Variants in FRMD4B observed in about 807,000 individuals in gnomAD.
The protein encoded by FRMD4B is FERM domain-containing protein 4B.
In FRMD4B, 74 loss-of-function variants were observed where a neutral mutation model predicts 141.5. The ratio of observed to expected loss-of-function variants is 0.52; its 90% CI spans 0.43 to 0.63. The LOEUF is 0.63. FRMD4B is among the 30% of genes least tolerant of loss of function. FRMD4B has a pLI of 0.00. For synonymous variants in FRMD4B, 506 were observed against 467.9 expected (o/e 1.08, Z -1.05); for missense variants, 1,366 against 1,253.4 (o/e 1.09, Z -1.36).
intron 1 of FRMD4B, among the ~76,000 whole-genome samples, chr3:69,351,196 G>C (rs912212432): frequency 6.6e-6 from 1 of 152,078 alleles, no homozygotes; most frequent in African/African-American, 2.4e-5. Flanking sequence ...ATATATTAAT[G>C]TATAGTTTAC....
chr3:69,375,729 A>T (rs4855310), intron 1 of FRMD4B, among the ~76,000 whole-genome samples: 47,863 of 152,080 alleles, frequency 0.31, 7,871 homozygotes, highest in African/African-American at 0.42. Context: ...ATGCTATTCA[A>T]ATTCCAACAC....
intron 11 of FRMD4B, among the ~76,000 whole-genome samples, chr3:69,210,079 A>T (rs1355743589): frequency 6.6e-6 from 1 of 150,602 alleles, no homozygotes; most frequent in Non-Finnish European, 1.5e-5. Flanking sequence ...ATATATATAG[A>T]GACAGAAACA....
At chr3:69,483,804 G>A (rs968055019) in intron 1 of FRMD4B, among the ~76,000 whole-genome samples, 3 of 152,246 alleles carry the variant, frequency 2.0e-5, no homozygotes, top group African/African-American at 7.2e-5. Context: ...TTTCCATTAC[G>A]ATGACCTTAT....
At chr3:69,216,844 C>A (rs1451515257) in intron 10 of FRMD4B, among the ~76,000 whole-genome samples, 3 of 152,136 alleles carry the variant, frequency 2.0e-5, no homozygotes, top group African/African-American at 7.2e-5. Context: ...CAAATAAAAT[C>A]TTTAAGTTGA....
At chr3:69,186,776 T>C (rs1303153047) in intron 19 of FRMD4B, among the ~76,000 whole-genome samples, 2 of 152,200 alleles carry the variant, frequency 1.3e-5, no homozygotes, top group Non-Finnish European at 2.9e-5. Context: ...TGAGCTCAAG[T>C]GATCCTCCCA....
chr3:69,540,222 T>A (rs531646903), intron 1 of FRMD4B, among the ~76,000 whole-genome samples: 8 of 151,892 alleles, frequency 5.3e-5, no homozygotes, highest in East Asian at 2.0e-4. Flanking sequence ...CACCAATACA[T>A]CCACCACCTG....
At chr3:69,198,999 G>A (rs547836391) in intron 11 of FRMD4B, 125 of 469,480 alleles carry the variant, frequency 2.7e-4, no homozygotes, top group Non-Finnish European at 4.2e-4. Context: ...GGCCGGGCGC[G>A]GTGGCTCACG....
chr3:69,243,242 C>T (rs56148425), intron 7 of FRMD4B, among the ~76,000 whole-genome samples: 4,078 of 152,188 alleles, frequency 0.027, 92 homozygotes, highest in South Asian at 0.048. Flanking sequence ...GGGTTTCCTA[C>T]TGGTTATGAT....
chr3:69,455,569 C>T (rs917647454), intron 1 of FRMD4B, among the ~76,000 whole-genome samples: 14 of 152,090 alleles, frequency 9.2e-5, no homozygotes, highest in South Asian at 6.2e-4. Context: ...ACACGTCCGA[C>T]GGAACATCAG....
At chr3:69,524,511 G>C (rs72937450) in intron 1 of FRMD4B, among the ~76,000 whole-genome samples, 6,122 of 152,266 alleles carry the variant, frequency 0.04, 347 homozygotes, top group East Asian at 0.12. Flanking sequence ...AGGGAGAGTG[G>C]TTTAGATTAG....
At chr3:69,483,982 C>G (rs544391620) in intron 1 of FRMD4B, among the ~76,000 whole-genome samples, 5 of 152,234 alleles carry the variant, frequency 3.3e-5, no homozygotes, top group African/African-American at 1.2e-4. Context: ...GCTTGCTTTC[C>G]CCTTTAAACA....
intron 2 of FRMD4B, among the ~76,000 whole-genome samples, chr3:69,407,146 G>C (rs915845965): frequency 6.6e-6 from 1 of 152,046 alleles, no homozygotes; most frequent in Non-Finnish European, 1.5e-5. Context: ...AGGGTGGCGT[G>C]GTTTAAGGAA....
intron 5 of FRMD4B, 165 bp downstream of exon 5, chr3:69,287,587 C>G: frequency 1.8e-6 from 1 of 571,402 alleles, no homozygotes; most frequent in Non-Finnish European, 3.1e-6. Context: ...AGAAAAGATA[C>G]CATTTGTGTA....
chr3:69,352,244 A>T (rs1466840590), intron 1 of FRMD4B, among the ~76,000 whole-genome samples: 4 of 152,134 alleles, frequency 2.6e-5, no homozygotes, highest in African/African-American at 7.2e-5. Flanking sequence ...AGGTCACCAT[A>T]ATGTCACTCT....
At chr3:69,474,741 T>C (rs1345596590) in intron 1 of FRMD4B, among the ~76,000 whole-genome samples, 1 of 152,196 alleles carries the variant, frequency 6.6e-6, no homozygotes, top group Non-Finnish European at 1.5e-5. Context: ...CATTTAGGTA[T>C]ACTAAGCACA....
intron 1 of FRMD4B, among the ~76,000 whole-genome samples, chr3:69,442,746 C>G (rs183164367): frequency 4.5e-4 from 68 of 152,302 alleles, no homozygotes; most frequent in African/African-American, 1.3e-3. Flanking sequence ...TGTGCCTCCA[C>G]TGAAGCCCTG....
At chr3:69,367,881 G>A (rs1264771612) in intron 1 of FRMD4B, among the ~76,000 whole-genome samples, 1 of 152,188 alleles carries the variant, frequency 6.6e-6, no homozygotes, top group Non-Finnish European at 1.5e-5. Flanking sequence ...CAACTAGACT[G>A]TGCTATAAAA....
intron 1 of FRMD4B, among the ~76,000 whole-genome samples, chr3:69,469,224 A>G (rs997112475): frequency 6.6e-6 from 1 of 152,202 alleles, no homozygotes; most frequent in African/African-American, 2.4e-5. Context: ...GTAGAAATAA[A>G]TATTGTAACA....
chr3:69,268,198 T>C (rs1221196265), intron 5 of FRMD4B, among the ~76,000 whole-genome samples: 3 of 152,034 alleles, frequency 2.0e-5, no homozygotes, highest in African/African-American at 7.3e-5. Context: ...TTATAAACTT[T>C]TGTGCCAACA....
Sources: allele counts gnomAD v4.1 joint callset (sites outside exome capture counted in the v4.1 genomes callset), GRCh38; gene constraint gnomAD v4.1.1; transcripts MANE v1.5; gene names NCBI Gene and HGNC (gene_info 2026-07-23, HGNC 2026-07-21).